TMEM178B: variants seen among roughly 807,000 people sequenced by gnomAD.
The protein encoded by TMEM178B is transmembrane protein 178B.
A neutral mutation model predicts 31.0 loss-of-function variants in TMEM178B; 5 were observed. The ratio of observed to expected loss-of-function variants is 0.16; its 90% confidence interval spans 0.08 to 0.34. The LOEUF is 0.34. Ranked by LOEUF, TMEM178B falls within the 10% of genes least tolerant of loss-of-function variation. The probability of loss-of-function intolerance (pLI) is 1.00; values close to 1 mark genes in which losing one functional copy is unlikely to be tolerated. For synonymous variants in TMEM178B, 164 were observed against 164.0 expected, an observed-to-expected ratio of 1.00 and a Z score of 0.00; for missense variants, 275 against 400.3, an observed-to-expected ratio of 0.69 and a Z score of 2.67.
chr7:141,074,208 G>GC lies in TMEM178B; in HGVS notation c.-98dup, dbSNP rs1794555872. 1.4e-6 allele frequency: 2 copies of GC among 1,421,998 alleles called. No individual in the cohort carries two copies. Among genetic ancestry groups the GC allele is most frequent in the Non-Finnish European group, 1.8e-6 (2 of 1,088,584 alleles). 88.1% of individuals were successfully genotyped at this position (1,421,998 alleles called of 1,614,324 possible). ...GCGCCGCGGCGCGAGTCCCTCTCCTGCCCCCTCCCCCAGCTCGGCCGCCCG... is the reference window on the plus strand; with the variant it reads ...GCGCCGCGGCGCGAGTCCCTCTCCTGCCCCCCTCCCCCAGCTCGGCCGCCCG... On this transcript the variant is annotated 5_prime_UTR_variant, in exon 1 of 4. Coordinates refer to ENST00000565468, the MANE Select transcript of TMEM178B (RefSeq NM_001195278.2). This position sits in a 1 kb window ranked among gnomAD's most constrained non-coding sequence, Gnocchi z 5.1.
chr7:141,136,944 A>G (rs1213351123), intron 1 of TMEM178B, among the ~76,000 whole-genome samples: 1 of 152,252 alleles, frequency 6.6e-6, no homozygotes, highest in Non-Finnish European at 1.5e-5. Context: ...CAACAGGTAT[A>G]TGAAAAGATG....
intron 2 of TMEM178B, among the ~76,000 whole-genome samples, chr7:141,397,329 A>T (rs898134499): frequency 3.3e-5 from 5 of 152,178 alleles, no homozygotes; most frequent in African/African-American, 4.8e-5. Context: ...TTAACATGGG[A>T]ATCCTGAGGC....
chr7:141,162,203 G>A (rs1796186978), intron 1 of TMEM178B, among the ~76,000 whole-genome samples: 1 of 152,224 alleles, frequency 6.6e-6, no homozygotes, highest in South Asian at 2.1e-4. Flanking sequence ...GCTGACGCGT[G>A]ACGCCTTGCG....
the TMEM178B span, among the ~76,000 whole-genome samples, chr7:141,485,636 A>T: frequency 6.6e-6 from 1 of 152,366 alleles, no homozygotes. Context: ...CTTAAAGCAG[A>T]TCCTTCATAA....
At chr7:141,508,882 T>C in the TMEM178B span, among the ~76,000 whole-genome samples, 1 of 152,168 alleles carries the variant, frequency 6.6e-6, no homozygotes, top group African/African-American at 2.4e-5. Context: ...AGCCAAACCA[T>C]ATCAGCATCA....
chr7:141,336,450 A>G (rs1306677987), intron 2 of TMEM178B, among the ~76,000 whole-genome samples: 1 of 152,092 alleles, frequency 6.6e-6, no homozygotes, highest in East Asian at 1.9e-4. Context: ...GCCACTGTCC[A>G]CTGCATGGCC....
At chr7:141,402,102 A>G (rs11983421) in intron 2 of TMEM178B, among the ~76,000 whole-genome samples, 9,755 of 152,254 alleles carry the variant, frequency 0.064, 666 homozygotes, top group African/African-American at 0.17. Context: ...GGAGACACAA[A>G]GAAGGGTGAG....
intron 1 of TMEM178B, among the ~76,000 whole-genome samples, chr7:141,164,066 CT>C (rs1796222286): frequency 6.6e-6 from 1 of 152,134 alleles, no homozygotes; most frequent in African/African-American, 2.4e-5. Flanking sequence ...ACCGTAACTA[CT>C]GAAACCTTAT....
chr7:141,212,932 A>C (rs1797073022), intron 2 of TMEM178B, among the ~76,000 whole-genome samples: 1 of 152,248 alleles, frequency 6.6e-6, no homozygotes, highest in Non-Finnish European at 1.5e-5. Context: ...AACCGTCAAA[A>C]CTTCGGAAAC....
intron 2 of TMEM178B, among the ~76,000 whole-genome samples, chr7:141,214,739 G>C (rs7790119): frequency 0.65 from 97,951 of 151,710 alleles, 33,226 homozygotes; most frequent in Middle Eastern, 0.78. Flanking sequence ...CGTGTCTCCA[G>C]GTTCTTATTC....
intron 2 of TMEM178B, among the ~76,000 whole-genome samples, chr7:141,368,191 T>C (rs1446707266): frequency 6.6e-6 from 1 of 152,154 alleles, no homozygotes; most frequent in Non-Finnish European, 1.5e-5. Context: ...TGGTAGTGTG[T>C]GCCTGTAATC....
At chr7:141,084,902 C>T (rs373794428) in intron 1 of TMEM178B, among the ~76,000 whole-genome samples, 44 of 151,922 alleles carry the variant, frequency 2.9e-4, no homozygotes, top group African/African-American at 8.4e-4. Flanking sequence ...TGTTTGAGAC[C>T]GAGTCTTACT....
intron 2 of TMEM178B, among the ~76,000 whole-genome samples, chr7:141,282,407 C>T (rs1239415941): frequency 6.6e-6 from 1 of 152,124 alleles, no homozygotes; most frequent in Non-Finnish European, 1.5e-5. Context: ...AGATAGGGCT[C>T]AACTATAAGG....
At chr7:141,372,699 A>C (rs1235847421) in intron 2 of TMEM178B, among the ~76,000 whole-genome samples, 1 of 152,202 alleles carries the variant, frequency 6.6e-6, no homozygotes, top group East Asian at 1.9e-4. Flanking sequence ...TAATTATTTT[A>C]AAATTATGAG....
intron 3 of TMEM178B, among the ~76,000 whole-genome samples, chr7:141,470,225 A>G (rs1354948364): frequency 6.6e-6 from 1 of 152,124 alleles, no homozygotes; most frequent in Non-Finnish European, 1.5e-5. Flanking sequence ...TCTTCTGCTC[A>G]CTCTACCCCA....
chr7:141,189,304 G>A (rs1489677842), intron 1 of TMEM178B, among the ~76,000 whole-genome samples: 2 of 152,268 alleles, frequency 1.3e-5, no homozygotes, highest in Non-Finnish European at 2.9e-5. Flanking sequence ...TGCAGTGGCT[G>A]CAGGGGCACC....
chr7:141,405,131 C>A (rs1363202844), intron 2 of TMEM178B, among the ~76,000 whole-genome samples: 1 of 152,250 alleles, frequency 6.6e-6, no homozygotes, highest in Non-Finnish European at 1.5e-5. Flanking sequence ...ACCCTCCCCT[C>A]TCCTACTTGA....
chr7:141,336,686 C>T (rs951204092), intron 2 of TMEM178B, among the ~76,000 whole-genome samples: 10 of 151,696 alleles, frequency 6.6e-5, no homozygotes, highest in African/African-American at 2.4e-4. Context: ...ACTGCTCATA[C>T]ACTATTGTCC....
chr7:141,234,197 ACTT>A (rs780343460), intron 2 of TMEM178B, among the ~76,000 whole-genome samples: 1 of 152,176 alleles, frequency 6.6e-6, no homozygotes, highest in Non-Finnish European at 1.5e-5. Context: ...GTTGTGTAAA[ACTT>A]AAAGTGTCTA....
Sources: gnomAD v4.1 joint callset for allele counts (sites outside exome capture counted in the v4.1 genomes callset) on GRCh38, gnomAD v4.1.1 for gene constraint, Gnocchi (gnomAD v3.1) non-coding constraint, MANE v1.5 for transcripts, NCBI Gene and HGNC (gene_info 2026-07-23, HGNC 2026-07-21) for gene names.